Variants in RBMS3 observed in about 807,000 individuals in gnomAD.
RBMS3 encodes the protein RNA binding motif single stranded interacting protein 3.
In RBMS3, 27 loss-of-function variants were observed where a neutral mutation model predicts 66.8. The observed-to-expected ratio is 0.40, with a 90% CI of 0.30 to 0.56. RBMS3 has a LOEUF of 0.56. RBMS3 is among the 20% of genes least tolerant of loss of function. RBMS3 has a pLI of 0.40. For missense variants in RBMS3, 513 were observed against 549.5 expected, an observed-to-expected ratio of 0.93 and a Z score of 0.66; for synonymous variants, 188 against 183.0, an observed-to-expected ratio of 1.03 and a Z score of -0.22.
chr3:29,986,424 TA>T (rs1698392994), intron 12 of RBMS3, among the ~76,000 whole-genome samples: 1 of 152,214 alleles, frequency 6.6e-6, no homozygotes, highest in Non-Finnish European at 1.5e-5. Flanking sequence ...TTTCTCAGTT[TA>T]ATCATATGTC....
intron 2 of RBMS3, among the ~76,000 whole-genome samples, chr3:29,449,864 T>C (rs1245643464): frequency 6.6e-6 from 1 of 152,230 alleles, no homozygotes; most frequent in African/African-American, 2.4e-5. Context: ...ATATGTTAGT[T>C]TGTGACACTA....
intron 1 of RBMS3, among the ~76,000 whole-genome samples, chr3:29,351,116 G>A (rs2036886973): frequency 6.6e-6 from 1 of 151,928 alleles, no homozygotes; most frequent in African/African-American, 2.4e-5. Context: ...TTCTCTTAAA[G>A]CACTACCTCA....
chr3:29,536,979 A>G (rs567076569), intron 3 of RBMS3, among the ~76,000 whole-genome samples: 12 of 152,362 alleles, frequency 7.9e-5, no homozygotes, highest in African/African-American at 1.2e-4. Flanking sequence ...AGAGAATGTT[A>G]TAAGACAGGA....
In RBMS3 at chr3:29,479,405, G is replaced by A. The variant is rs911339447; in HGVS notation, c.249-9036G>A. Among the ~76,000 whole-genome samples, 6 of 151,786 alleles carry A rather than the reference G, an allele frequency of 4.0e-5. No homozygotes were observed. In the East Asian group the frequency reaches 1.2e-3, roughly 29 times the overall value. On this transcript the variant is annotated intron_variant, in intron 2 of 14. Transcript: ENST00000383767. ...TTATCAGGTCCATAAAAATTACTGA[G>A]AAATTTAAAGATGTTCATGGAGGCT...
intron 7 of RBMS3, among the ~76,000 whole-genome samples, chr3:29,874,708 A>T (rs940713189): frequency 6.6e-6 from 1 of 152,228 alleles, no homozygotes; most frequent in South Asian, 2.1e-4. Context: ...AGCAAGCTCA[A>T]GGTTAATGGA....
chr3:29,946,603 CATAAAGT>C (rs1324577143), intron 12 of RBMS3, among the ~76,000 whole-genome samples: 1 of 151,514 alleles, frequency 6.6e-6, no homozygotes, highest in African/African-American at 2.4e-5. Context: ...ATGTGAAATG[CATAAAGT>C]ATAGAGAATC....
At chr3:29,474,836 G>T (rs571116457) in intron 2 of RBMS3, among the ~76,000 whole-genome samples, 2 of 152,288 alleles carry the variant, frequency 1.3e-5, no homozygotes, top group African/African-American at 2.4e-5. Flanking sequence ...AAAATTCTTG[G>T]CTGTTGGAAT....
chr3:29,845,201 C>T (rs1576977429), intron 6 of RBMS3, among the ~76,000 whole-genome samples: 1 of 152,164 alleles, frequency 6.6e-6, no homozygotes, highest in Non-Finnish European at 1.5e-5. Flanking sequence ...CATAAAATAC[C>T]TCAGTAAATG....
intron 4 of RBMS3, among the ~76,000 whole-genome samples, chr3:29,687,383 G>A (rs2051780478): frequency 6.6e-6 from 1 of 152,274 alleles, no homozygotes; most frequent in South Asian, 2.1e-4. Context: ...CAGTGCATAG[G>A]CAACATGTAT....
At chr3:29,923,786 TAA>T (rs1392622449) in intron 10 of RBMS3, among the ~76,000 whole-genome samples, 1 of 151,430 alleles carries the variant, frequency 6.6e-6, no homozygotes, top group African/African-American at 2.5e-5. Context: ...TAAGGTAATA[TAA>T]AAATGCTATG....
At chr3:29,961,698 C>T (rs773840179) in intron 12 of RBMS3, among the ~76,000 whole-genome samples, 1 of 151,686 alleles carries the variant, frequency 6.6e-6, no homozygotes, top group Non-Finnish European at 1.5e-5. Flanking sequence ...AGGAAATAAC[C>T]CCTTATAAAA....
chr3:29,654,059 A>G (rs2050235812), intron 4 of RBMS3, among the ~76,000 whole-genome samples: 1 of 152,218 alleles, frequency 6.6e-6, no homozygotes, highest in Non-Finnish European at 1.5e-5. Context: ...CATTTCTGCA[A>G]AACAGGAAAT....
chr3:30,008,999 T>C lies in RBMS3; in HGVS notation c.*5137T>C, dbSNP rs1021805444. 6.6e-6 allele frequency: 1 copy of C among 152,148 alleles called. No individual in the cohort carries two copies. The highest frequency in any genetic ancestry group is 2.4e-5 in the African/African-American group (1 of 41,448). 9.4% of individuals were successfully genotyped at this position (152,148 alleles called of 1,614,324 possible). A position where few individuals can be genotyped will look rare whatever the true frequency, so the allele number is the denominator to read the frequency against. On this transcript the variant is annotated 3_prime_UTR_variant, in exon 15 of 15. Transcript: ENST00000383767. ...GATACTCTCTATAGCAAAAAAGGGA[T>C]GAATGGCTTTCAATATTCATTTCTG...
chr3:29,755,928 C>T (rs911786576), intron 5 of RBMS3, among the ~76,000 whole-genome samples: 2 of 152,114 alleles, frequency 1.3e-5, no homozygotes, highest in African/African-American at 4.8e-5. Context: ...ACACCACTCT[C>T]CCTGTATAAA....
intron 1 of RBMS3, among the ~76,000 whole-genome samples, chr3:29,384,433 A>G (rs948818815): frequency 4.9e-5 from 6 of 121,542 alleles, no homozygotes; most frequent in Non-Finnish European, 1.8e-5. Context: ...TAATAATAAT[A>G]ATAAGAAGAA....
At chr3:29,308,577 T>C (rs1257991183) in intron 1 of RBMS3, among the ~76,000 whole-genome samples, 2 of 151,678 alleles carry the variant, frequency 1.3e-5, no homozygotes, top group African/African-American at 4.8e-5. Flanking sequence ...TTAGAGATTA[T>C]GTAAGTCCGA....
intron 14 of RBMS3, among the ~76,000 whole-genome samples, chr3:29,997,433 T>C (rs912562439): frequency 6.7e-6 from 1 of 149,200 alleles, no homozygotes. Flanking sequence ...GCAGCATCAT[T>C]CTGATACCAA....
intron 1 of RBMS3, among the ~76,000 whole-genome samples, chr3:29,386,052 T>C (rs1311356179): frequency 6.6e-6 from 1 of 152,236 alleles, no homozygotes; most frequent in Non-Finnish European, 1.5e-5. Context: ...CCTTATACCG[T>C]TGCTTATATA....
At chr3:29,375,466 C>G (rs1181138816) in intron 1 of RBMS3, among the ~76,000 whole-genome samples, 1 of 152,186 alleles carries the variant, frequency 6.6e-6, no homozygotes, top group Non-Finnish European at 1.5e-5. Context: ...TGACAAAGCT[C>G]TGTTATCCAG....
Sources: gnomAD v4.1 joint callset for allele counts (sites outside exome capture counted in the v4.1 genomes callset) on GRCh38, gnomAD v4.1.1 for gene constraint, MANE v1.5 for transcripts, NCBI Gene and HGNC (gene_info 2026-07-23, HGNC 2026-07-21) for gene names.